The following CACNA2D3 variants were observed in gnomAD, a reference collection of about 807,000 sequenced individuals.
The protein encoded by CACNA2D3 is calcium voltage-gated channel auxiliary subunit alpha2delta 3, also known as voltage-dependent calcium channel subunit alpha-2/delta-3.
Under a neutral mutation model 160.6 loss-of-function variants are expected in CACNA2D3, and 60 were observed. That is an observed-to-expected ratio of 0.37 (90% confidence interval 0.30 to 0.46). The LOEUF (loss-of-function observed/expected upper bound fraction) is 0.46. Ranked by LOEUF, CACNA2D3 falls within the 20% of genes least tolerant of loss-of-function variation. The pLI is 1.00. For missense variants in CACNA2D3, 1,205 were observed against 1,365.0 expected (o/e 0.88, Z 1.85); for synonymous variants, 558 against 492.9 (o/e 1.13, Z -1.75).
intron 35 of CACNA2D3, among the ~76,000 whole-genome samples, chr3:55,068,702 G>C (rs1193931926): frequency 6.6e-6 from 1 of 151,748 alleles, no homozygotes; most frequent in Non-Finnish European, 1.5e-5. Flanking sequence ...CTGTCACCTG[G>C]TGCCAAGAAG....
intron 4 of CACNA2D3, among the ~76,000 whole-genome samples, chr3:54,402,024 T>A (rs780789447): frequency 7.3e-5 from 11 of 151,258 alleles, no homozygotes; most frequent in Non-Finnish European, 1.0e-4. Flanking sequence ...CAAGAGTGTT[T>A]GTATGAGAAT....
At chr3:54,749,643 C>T (rs1701821016) in intron 11 of CACNA2D3, among the ~76,000 whole-genome samples, 1 of 152,058 alleles carries the variant, frequency 6.6e-6, no homozygotes, top group South Asian at 2.1e-4. Flanking sequence ...CTCTTTTCTT[C>T]TGTGGTCAGT....
chr3:54,438,596 T>C (rs1336279024), intron 4 of CACNA2D3, among the ~76,000 whole-genome samples: 1 of 152,232 alleles, frequency 6.6e-6, no homozygotes, highest in East Asian at 1.9e-4. Flanking sequence ...ATTAAAAGCA[T>C]ATAAGGTGGC....
chr3:54,984,336 A>T (rs1293621358), intron 29 of CACNA2D3, among the ~76,000 whole-genome samples: 4 of 144,580 alleles, frequency 2.8e-5, no homozygotes, highest in Admixed American at 2.2e-4. Context: ...ACTGTAATTC[A>T]TCATTTTTTA....
At chr3:54,174,097 G>A (rs1445601910) in intron 2 of CACNA2D3, among the ~76,000 whole-genome samples, 1 of 152,150 alleles carries the variant, frequency 6.6e-6, no homozygotes, top group Non-Finnish European at 1.5e-5. Context: ...TTTGTAGCAC[G>A]ACAGCAGCCA....
At chr3:54,541,477 C>T (rs923449608) in intron 5 of CACNA2D3, among the ~76,000 whole-genome samples, 14 of 152,010 alleles carry the variant, frequency 9.2e-5, no homozygotes, top group Admixed American at 8.5e-4. Flanking sequence ...TGACAGCCTC[C>T]AAAAGGAACC....
chr3:55,049,558 G>A (rs1262628295), intron 35 of CACNA2D3, among the ~76,000 whole-genome samples: 1 of 144,100 alleles, frequency 6.9e-6, no homozygotes, highest in Non-Finnish European at 1.5e-5. Flanking sequence ...GTGGTGTGGT[G>A]CTGAAAAAAA....
intron 12 of CACNA2D3, among the ~76,000 whole-genome samples, chr3:54,761,949 T>C (rs1702087983): frequency 6.6e-6 from 1 of 152,158 alleles, no homozygotes; most frequent in Non-Finnish European, 1.5e-5. Flanking sequence ...AGCCCTATTT[T>C]AGTCACTAAG....
chr3:54,992,547 C>A (rs1299360028), intron 31 of CACNA2D3, among the ~76,000 whole-genome samples: 1 of 152,070 alleles, frequency 6.6e-6, no homozygotes. Context: ...CTACCTTTCT[C>A]TGTTTCCTCT....
intron 4 of CACNA2D3, among the ~76,000 whole-genome samples, chr3:54,469,159 A>G (rs1199010614): frequency 6.6e-6 from 1 of 152,194 alleles, no homozygotes; most frequent in Non-Finnish European, 1.5e-5. Context: ...GGGTCAATAG[A>G]CACCTCATAC....
chr3:54,338,561 A>G (rs930676734), intron 3 of CACNA2D3, among the ~76,000 whole-genome samples: 1 of 150,762 alleles, frequency 6.6e-6, no homozygotes, highest in Non-Finnish European at 1.5e-5. Context: ...AGAGAATGAC[A>G]CCTGTCTTCA....
rs1268417266 is a variant in CACNA2D3 at position 54,879,010 on chromosome 3, C to T, written c.1711-8C>T. ...AAGAACTAACACACTTTTCTTTTAT[C>T]ATTTTAGTTGAGAAATGCTATGGTG... On this transcript the variant is annotated splice_polypyrimidine_tract_variant and splice_region_variant and intron_variant, in intron 18 of 37. Coordinates refer to ENST00000474759, the MANE Select transcript of CACNA2D3 (RefSeq NM_018398.3). 2 of 1,578,274 alleles carry T rather than the reference C, an allele frequency of 1.3e-6. No homozygotes were observed. The highest frequency in any genetic ancestry group is 1.9e-5 in the Admixed American group (1 of 54,026).
At chr3:54,912,897 G>A in intron 27 of CACNA2D3, among the ~76,000 whole-genome samples, 1 of 151,958 alleles carries the variant, frequency 6.6e-6, no homozygotes, top group East Asian at 1.9e-4. Context: ...GGTCTCAATG[G>A]GAGGTATTGT....
chr3:54,660,145 T>G (rs1010558356), intron 11 of CACNA2D3, among the ~76,000 whole-genome samples: 4 of 148,746 alleles, frequency 2.7e-5, no homozygotes, highest in African/African-American at 9.8e-5. Flanking sequence ...TTTGGTTTCT[T>G]TTTTTTTTTT....
chr3:54,235,811 G>A (rs1288044167), intron 2 of CACNA2D3, among the ~76,000 whole-genome samples: 3 of 152,204 alleles, frequency 2.0e-5, no homozygotes, highest in African/African-American at 7.2e-5. Context: ...AGCTGCTCCG[G>A]CTTCCGGGAG....
intron 4 of CACNA2D3, among the ~76,000 whole-genome samples, chr3:54,409,877 G>A (rs1699636961): frequency 6.6e-6 from 1 of 152,228 alleles, no homozygotes. Flanking sequence ...AAGGAAGGAA[G>A]CCATCTGTAT....
intron 2 of CACNA2D3, among the ~76,000 whole-genome samples, chr3:54,298,045 C>G (rs1007800941): frequency 3.3e-5 from 5 of 152,212 alleles, no homozygotes; most frequent in African/African-American, 1.2e-4. Flanking sequence ...TCTAGGATAT[C>G]TCACTCCCAT....
intron 5 of CACNA2D3, among the ~76,000 whole-genome samples, chr3:54,511,888 T>A (rs1701465358): frequency 6.6e-6 from 1 of 152,230 alleles, no homozygotes; most frequent in African/African-American, 2.4e-5. Flanking sequence ...ACTTGCTTTC[T>A]GTGTTTTGCC....
At chr3:54,787,584 TTTAAAAA>T (rs1161094072) in intron 13 of CACNA2D3, among the ~76,000 whole-genome samples, 10 of 152,176 alleles carry the variant, frequency 6.6e-5, no homozygotes, top group Non-Finnish European at 1.0e-4. Context: ...AAGTGAAAAC[TTTAAAAA>T]TTAGTTAGGC....
Sources: gnomAD v4.1 joint callset for allele counts (sites outside exome capture counted in the v4.1 genomes callset) on GRCh38, gnomAD v4.1.1 for gene constraint, MANE v1.5 for transcripts, NCBI Gene and HGNC (gene_info 2026-07-23, HGNC 2026-07-21) for gene names.